The following CACNA1E variants were observed in gnomAD, a reference collection of about 807,000 sequenced individuals.
CACNA1E encodes voltage-dependent R-type calcium channel subunit alpha-1E.
A neutral mutation model predicts 259.2 loss-of-function variants in CACNA1E; 40 were observed. That is an observed-to-expected ratio of 0.15 (90% CI 0.12 to 0.20). The LOEUF (loss-of-function observed/expected upper bound fraction) is 0.20. Among genes scored for constraint, CACNA1E ranks in the 10% least tolerant of loss-of-function variants. CACNA1E has a pLI of 1.00. For missense variants in CACNA1E, 1,874 were observed against 3,040.1 expected (o/e 0.62, Z 9.02); for synonymous variants, 1,104 against 1,138.5 (o/e 0.97, Z 0.61).
chr1:181,388,988 G>T (rs605782), intron 1 of CACNA1E, among the ~76,000 whole-genome samples: 23 of 152,028 alleles, frequency 1.5e-4, no homozygotes, highest in Non-Finnish European at 2.8e-4. Flanking sequence ...GACTGTATAG[G>T]GTTAGGTTTC....
At chr1:181,531,296 C>T (rs1461472975) in intron 3 of CACNA1E, among the ~76,000 whole-genome samples, 1 of 152,200 alleles carries the variant, frequency 6.6e-6, no homozygotes, top group Non-Finnish European at 1.5e-5. Context: ...GACCTGGCTT[C>T]CTAGGGGGAT....
chr1:181,696,168 G>A (rs1166724602), intron 7 of CACNA1E, among the ~76,000 whole-genome samples: 1 of 150,052 alleles, frequency 6.7e-6, no homozygotes. Context: ...TTAAGAAAAT[G>A]AATATAAACA....
At chr1:181,434,016 C>T (rs1659905884) in intron 2 of CACNA1E, among the ~76,000 whole-genome samples, 1 of 152,204 alleles carries the variant, frequency 6.6e-6, no homozygotes, top group Admixed American at 6.5e-5. Context: ...TTTGCATTTC[C>T]ACGCTCATTG....
intron 1 of CACNA1E, among the ~76,000 whole-genome samples, chr1:181,334,945 A>G (rs1247754414): frequency 6.6e-6 from 1 of 152,298 alleles, no homozygotes; most frequent in South Asian, 2.1e-4. Context: ...TGGACTGTCC[A>G]CAGCTCTCCC....
intron 1 of CACNA1E, among the ~76,000 whole-genome samples, chr1:181,379,920 T>G (rs28837976): frequency 0.073 from 11,041 of 150,340 alleles, 1,242 homozygotes; most frequent in African/African-American, 0.24. Context: ...AAATGGGAAG[T>G]CAGTGGCAAC....
intron 32 of CACNA1E, among the ~76,000 whole-genome samples, chr1:181,760,761 C>G (rs145438646): frequency 6.6e-6 from 1 of 152,158 alleles, no homozygotes; most frequent in Non-Finnish European, 1.5e-5. Flanking sequence ...GATTCAGACC[C>G]TGTTCTATCT....
chr1:181,688,927 A>G (rs971273124), intron 7 of CACNA1E, among the ~76,000 whole-genome samples: 3 of 152,132 alleles, frequency 2.0e-5, no homozygotes, highest in African/African-American at 7.2e-5. Flanking sequence ...TGCTTAGCTT[A>G]TTCTATTTAG....
intron 2 of CACNA1E, among the ~76,000 whole-genome samples, chr1:181,459,458 C>T (rs930213283): frequency 1.3e-5 from 2 of 152,256 alleles, no homozygotes; most frequent in African/African-American, 2.4e-5. Flanking sequence ...AGAAGCTGCC[C>T]ACGCTGGCCA....
intron 6 of CACNA1E, among the ~76,000 whole-genome samples, chr1:181,593,841 A>G (rs1470574177): frequency 6.6e-6 from 1 of 152,170 alleles, no homozygotes. Flanking sequence ...CTGGCCAAGG[A>G]CATCTTAACC....
chr1:181,579,230 G>C lies in CACNA1E; in HGVS notation c.769+6G>C, dbSNP rs1651275857. ...ATGCTTCATGAACAATTCAGGTAGG[G>C]TCGTTCTTTTCTGTCTTCTCCTTTT... On this transcript the variant is annotated splice_donor_region_variant and intron_variant, in intron 5 of 47. Transcript: ENST00000367573. 2.5e-6 allele frequency: 4 copies of C among 1,606,790 alleles called. No individual in the cohort carries two copies. Among genetic ancestry groups the C allele is most frequent in the Non-Finnish European group, 3.4e-6 (4 of 1,177,272 alleles).
intron 6 of CACNA1E, among the ~76,000 whole-genome samples, chr1:181,648,299 C>T (rs1658466169): frequency 6.6e-6 from 1 of 152,152 alleles, no homozygotes; most frequent in Admixed American, 6.5e-5. Flanking sequence ...AAGGTTTCTG[C>T]CTGAATATAG....
intron 1 of CACNA1E, among the ~76,000 whole-genome samples, chr1:181,391,576 T>C (rs900466285): frequency 5.3e-5 from 8 of 152,110 alleles, no homozygotes; most frequent in African/African-American, 1.9e-4. Flanking sequence ...GACACCACCA[T>C]GGCCAACTAA....
chr1:181,776,189 A>G lies in CACNA1E; in HGVS notation c.5228A>G (p.Glu1743Gly), dbSNP rs1659957872. The change falls in exon 38 of 48, where the codon GAG becomes GGG. Residue 1743 changes from glutamate (E) to glycine (G), a missense_variant. Around this residue, in one of 14 missense-constraint regions of CACNA1E, gnomAD observed 147 missense variants for 337.1 expected, o/e 0.44. Transcript: ENST00000367573. This position sits in a 1 kb window ranked among gnomAD's most constrained non-coding sequence, Gnocchi z 4.4. Reference protein sequence around the residue: ...SSILGPHHLDEFVRVWAEYDR... With the variant: ...SSILGPHHLDGFVRVWAEYDR... ...ATCCTGGGGCCTCACCACTTGGACG[A>G]GTTTGTCCGCGTCTGGGCAGAATAT... The G allele has an allele frequency of 6.2e-7, 1 of 1,613,806 alleles. No individual in the cohort carries two copies. The highest frequency in any genetic ancestry group is 1.7e-5 in the Admixed American group (1 of 60,014).
intron 1 of CACNA1E, among the ~76,000 whole-genome samples, chr1:181,393,386 A>G (rs1358445029): frequency 6.6e-6 from 1 of 152,226 alleles, no homozygotes; most frequent in Non-Finnish European, 1.5e-5. Context: ...ATTAGTTATT[A>G]TTACCATTAG....
At chr1:181,641,940 C>T (rs568412038) in intron 6 of CACNA1E, among the ~76,000 whole-genome samples, 61 of 152,156 alleles carry the variant, frequency 4.0e-4, no homozygotes, top group African/African-American at 1.3e-3. Context: ...TCTTGAACTC[C>T]TGACCTTGTG....
At chr1:181,634,626 T>G (rs913412880) in intron 6 of CACNA1E, among the ~76,000 whole-genome samples, 2 of 152,216 alleles carry the variant, frequency 1.3e-5, no homozygotes, top group Non-Finnish European at 2.9e-5. Context: ...CCTCTTGCAG[T>G]CCCCATCTTG....
intron 1 of CACNA1E, among the ~76,000 whole-genome samples, chr1:181,373,935 T>G: frequency 6.6e-6 from 1 of 152,246 alleles, no homozygotes; most frequent in East Asian, 1.9e-4. Context: ...AAACATTGTT[T>G]ATTCTTTTAC....
intron 7 of CACNA1E, among the ~76,000 whole-genome samples, chr1:181,704,232 T>G (rs1652565772): frequency 6.6e-6 from 1 of 152,186 alleles, no homozygotes; most frequent in African/African-American, 2.4e-5. Context: ...GTTTACCTTC[T>G]CTGGGGCTGT....
chr1:181,549,701 A>C (rs1647913325), intron 3 of CACNA1E, among the ~76,000 whole-genome samples: 1 of 152,156 alleles, frequency 6.6e-6, no homozygotes, highest in South Asian at 2.1e-4. Context: ...TTTCTTCAGA[A>C]GGAGGTTGTC....
Sources: gnomAD v4.1 joint callset for allele counts (sites outside exome capture counted in the v4.1 genomes callset) on GRCh38, gnomAD v4.1.1 for gene constraint, gnomAD v4.1.1 regional missense constraint, Gnocchi (gnomAD v3.1) non-coding constraint, MANE v1.5 for transcripts, NCBI Gene and HGNC (gene_info 2026-07-23, HGNC 2026-07-21) for gene names.